TNS4: variants seen among roughly 807,000 people sequenced by gnomAD.
TNS4 encodes the protein tensin 4, also known as tensin-4.
In TNS4, 46 loss-of-function variants were observed where a neutral mutation model predicts 70.4. The ratio of observed to expected loss-of-function variants is 0.65; its 90% CI spans 0.52 to 0.84. The LOEUF (loss-of-function observed/expected upper bound fraction) is 0.84. Among genes scored for constraint, TNS4 ranks in the 40% least tolerant of loss-of-function variants. The pLI is 0.00. For synonymous variants in TNS4, 390 were observed against 366.6 expected (o/e 1.06, Z -0.73); for missense variants, 863 against 907.0 (o/e 0.95, Z 0.62).
intron 8 of TNS4, among the ~76,000 whole-genome samples, chr17:40,481,453 C>T (rs946111951): frequency 1.3e-5 from 2 of 152,188 alleles, no homozygotes; most frequent in Admixed American, 1.3e-4. Context: ...CAACCTCTGC[C>T]TCCCCGGCTC....
intron 2 of TNS4, among the ~76,000 whole-genome samples, chr17:40,490,582 C>G (rs1567812885): frequency 6.6e-6 from 1 of 152,184 alleles, no homozygotes; most frequent in African/African-American, 2.4e-5. Flanking sequence ...CAGCCCGCTC[C>G]TGGGTAGGGC....
At chr17:40,483,099 C>A (rs772572963) in intron 6 of TNS4, among the ~76,000 whole-genome samples, 1 of 151,856 alleles carries the variant, frequency 6.6e-6, no homozygotes, top group Non-Finnish European at 1.5e-5. Context: ...ACAGGCGTGC[C>A]CCACCATGTC....
At chr17:40,478,716 C>T (rs2035882547) in intron 10 of TNS4, 68 bp from the exon 11 acceptor site, 1 of 1,559,506 alleles carries the variant, frequency 6.4e-7, no homozygotes, top group Non-Finnish European at 8.8e-7. Flanking sequence ...CCTCCAGCAT[C>T]TCTCGTTCCC....
At chr17:40,478,732 G>A (rs750294511) in intron 10 of TNS4, 84 bp from the exon 11 acceptor site, 36 of 1,484,136 alleles carry the variant, frequency 2.4e-5, no homozygotes, top group Non-Finnish European at 3.3e-5. Context: ...TTCCCCCCAA[G>A]CTCAGGTGCC....
At chr17:40,488,157 C>T (rs2036016497) in intron 3 of TNS4, among the ~76,000 whole-genome samples, 1 of 152,194 alleles carries the variant, frequency 6.6e-6, no homozygotes, top group African/African-American at 2.4e-5. Flanking sequence ...TAGGTTTTGC[C>T]AGCAACAGAG....
intron 8 of TNS4, 40 bp from the exon 9 acceptor site, chr17:40,480,808 G>A: frequency 1.3e-6 from 2 of 1,595,420 alleles, no homozygotes; most frequent in Non-Finnish European, 1.7e-6. Context: ...AAAGGGGCGG[G>A]GGTGGAGTGA....
intron 2 of TNS4, among the ~76,000 whole-genome samples, chr17:40,495,740 A>T (rs1250941239): frequency 6.6e-6 from 1 of 152,198 alleles, no homozygotes; most frequent in African/African-American, 2.4e-5. Flanking sequence ...TTAAGTCCTC[A>T]TAAAATCATA....
At position 40,487,331 on chromosome 17, in the gene TNS4, G is replaced by A; in HGVS notation, c.993C>T (p.Asp331=). The A allele has an allele frequency of 6.2e-7, 1 of 1,614,216 alleles. No homozygotes were observed. The highest frequency in any genetic ancestry group is 8.5e-7 in the Non-Finnish European group (1 of 1,180,030). ...GGGTGGGGTTTCTGGGAGCCTGGAA[G>A]TCACTGGGTCTTGTACACAGGGACA... ...GSVSLCTRPS[D]FQAPRNPTLT... Residue 331 remains aspartate, a synonymous_variant, in exon 4 of 13, where the codon GAC becomes GAT. Coordinates refer to ENST00000254051, the MANE Select transcript of TNS4 (RefSeq NM_032865.6).
intron 6 of TNS4, among the ~76,000 whole-genome samples, chr17:40,483,893 A>G (rs888843836): frequency 4.6e-5 from 7 of 152,202 alleles, no homozygotes; most frequent in Admixed American, 1.3e-4. Context: ...CCTATGACCC[A>G]GGTACCTTGT....
chr17:40,500,119 A>G (rs1188465405), intron 1 of TNS4, among the ~76,000 whole-genome samples: 1 of 152,130 alleles, frequency 6.6e-6, no homozygotes, highest in African/African-American at 2.4e-5. Context: ...TACAACCCCA[A>G]CTGTGAATTG....
Position 40,477,291 on chromosome 17 carries a change from G to A in TNS4, c.*297C>T. ...TATTTTCATGCAGGGGTCTTCAGAG[G>A]TGTGCATGCTTCAGAATCATGGAGG... On this transcript the variant is annotated 3_prime_UTR_variant, in exon 13 of 13. Coordinates refer to ENST00000254051, the MANE Select transcript of TNS4 (RefSeq NM_032865.6). The A allele has an allele frequency of 2.9e-6, 1 of 341,098 alleles. No homozygotes were observed. Among genetic ancestry groups the A allele is most frequent in the Non-Finnish European group, 5.4e-6 (1 of 185,474 alleles). 21.1% of individuals were successfully genotyped at this position (341,098 alleles called of 1,614,324 possible).
chr17:40,483,730 A>T (rs1334254232), intron 6 of TNS4, among the ~76,000 whole-genome samples: 1 of 152,164 alleles, frequency 6.6e-6, no homozygotes, highest in Non-Finnish European at 1.5e-5. Context: ...TCACTTTCTT[A>T]TTGTGACAGT....
rs371269577 is a variant in TNS4 at position 40,485,011 on chromosome 17, G to T, written c.1289-4C>A. ...GGCTGCATGTCCCTGGCGGGACCTG[G>T]AGACAGACAGAGAAGGGGGACCCTG... On this transcript the variant is annotated splice_region_variant and splice_polypyrimidine_tract_variant and intron_variant, in intron 4 of 12. Coordinates refer to ENST00000254051, the MANE Select transcript of TNS4 (RefSeq NM_032865.6). 1 of 1,613,988 alleles carries T rather than the reference G, an allele frequency of 6.2e-7. No individual in the cohort carries two copies. Among genetic ancestry groups the T allele is most frequent in the South Asian group, 1.1e-5 (1 of 91,066 alleles).
chr17:40,481,299 C>T (rs568315629), intron 8 of TNS4, among the ~76,000 whole-genome samples: 167 of 152,326 alleles, frequency 1.1e-3, no homozygotes, highest in African/African-American at 3.6e-3. Flanking sequence ...GGGCAAATTA[C>T]GTAACATCTA....
chr17:40,484,759 T>C, intron 5 of TNS4, 150 bp from the exon 6 acceptor site: 5 of 1,415,038 alleles, frequency 3.5e-6, no homozygotes, highest in Non-Finnish European at 3.9e-6. Context: ...ATTCTTGCTG[T>C]GGTTCCTACT....
intron 2 of TNS4, among the ~76,000 whole-genome samples, chr17:40,495,029 T>C (rs2036125025): frequency 6.6e-6 from 1 of 152,126 alleles, no homozygotes. Flanking sequence ...TTGGACTCGG[T>C]GGTGCCCTGG....
intron 2 of TNS4, among the ~76,000 whole-genome samples, chr17:40,494,965 T>C (rs1294194866): frequency 1.3e-5 from 2 of 152,046 alleles, no homozygotes; most frequent in African/African-American, 2.4e-5. Context: ...AAGAGCATAC[T>C]TGAAACTCTT....
rs530846988 is a variant in TNS4 at position 40,476,369 on chromosome 17, C to CGTGTGTGTGTGTGTGTGTGTGT, written c.*1197_*1218dup. The CGTGTGTGTGTGTGTGTGTGTGT allele has an allele frequency of 4.3e-5, 4 of 92,850 alleles. No homozygotes were observed. The Admixed American group carries it at 5.2e-4, about 12-fold the overall frequency. 5.8% of individuals were successfully genotyped at this position (92,850 alleles called of 1,614,324 possible). ...TTGAAGCCACATAGCAGTAGAGGGG[C>CGTGTGTGTGTGTGTGTGTGTGT]GTGTGTGTGTGTGTGTGTGTGTGTG... On this transcript the variant is annotated 3_prime_UTR_variant, in exon 13 of 13. Transcript: ENST00000254051.
At chr17:40,478,790 C>T (rs1320531947) in intron 10 of TNS4, 142 bp from the exon 11 acceptor site, 2 of 884,256 alleles carry the variant, frequency 2.3e-6, no homozygotes, top group Admixed American at 2.6e-5. Context: ...CCGCTATGGC[C>T]TTTCCCACTG....
Sources: allele counts gnomAD v4.1 joint callset (sites outside exome capture counted in the v4.1 genomes callset), GRCh38; gene constraint gnomAD v4.1.1; transcripts MANE v1.5; gene names NCBI Gene and HGNC (gene_info 2026-07-23, HGNC 2026-07-21).